LHFPL3: variants seen among roughly 807,000 people sequenced by gnomAD.
LHFPL3 encodes LHFPL tetraspan subfamily member 3 protein.
LHFPL3 carries 5 observed loss-of-function variants against 19.3 expected under a neutral mutation model. That is an observed-to-expected ratio of 0.26 (90% CI 0.14 to 0.54). LHFPL3 has a LOEUF of 0.54. Among genes scored for constraint, LHFPL3 ranks in the 20% least tolerant of loss-of-function variants. The pLI, the probability that LHFPL3 is intolerant of heterozygous loss-of-function variation, is 0.94. For missense variants in LHFPL3, 249 were observed against 307.4 expected (o/e 0.81, Z 1.42); for synonymous variants, 133 against 126.2 (o/e 1.05, Z -0.36).
intron 1 of LHFPL3, among the ~76,000 whole-genome samples, chr7:104,633,661 T>C (rs1177002991): frequency 6.6e-6 from 1 of 152,240 alleles, no homozygotes; most frequent in Non-Finnish European, 1.5e-5. Flanking sequence ...GATCATTTTG[T>C]ATGGTACATA....
At chr7:104,521,431 T>TG (rs1794061112) in intron 1 of LHFPL3, among the ~76,000 whole-genome samples, 1 of 152,170 alleles carries the variant, frequency 6.6e-6, no homozygotes, top group Non-Finnish European at 1.5e-5. Flanking sequence ...TCTGTTGATT[T>TG]GGGGTGGAGA....
chr7:104,418,569 G>T (rs17137509), intron 1 of LHFPL3, among the ~76,000 whole-genome samples: 1 of 152,042 alleles, frequency 6.6e-6, no homozygotes, highest in African/African-American at 2.4e-5. Context: ...GGGTCAAGTC[G>T]CTTTGAATTA....
chr7:104,389,106 C>G (rs528085236), intron 1 of LHFPL3, among the ~76,000 whole-genome samples: 1 of 152,062 alleles, frequency 6.6e-6, no homozygotes, highest in Non-Finnish European at 1.5e-5. Context: ...ACATGTCCTT[C>G]CATATAGAAA....
intron 1 of LHFPL3, among the ~76,000 whole-genome samples, chr7:104,632,177 T>C (rs4730032): frequency 0.71 from 107,725 of 152,018 alleles, 38,296 homozygotes; most frequent in East Asian, 0.83. Flanking sequence ...TCATTTGTGT[T>C]GGGTGAGGTC....
At chr7:104,757,736 A>T (rs992422707) in intron 2 of LHFPL3, 1 of 152,362 alleles carries the variant, frequency 6.6e-6, no homozygotes, top group Non-Finnish European at 1.5e-5. Flanking sequence ...AAAAAGGAAC[A>T]CTTATACACT....
chr7:104,601,787 C>G (rs1394615142), intron 1 of LHFPL3, among the ~76,000 whole-genome samples: 1 of 152,114 alleles, frequency 6.6e-6, no homozygotes, highest in Non-Finnish European at 1.5e-5. Context: ...TACTTTCTCA[C>G]TGCCAAAACC....
At chr7:104,740,022 G>A (rs904530538) in intron 2 of LHFPL3, among the ~76,000 whole-genome samples, 1 of 152,238 alleles carries the variant, frequency 6.6e-6, no homozygotes, top group Admixed American at 6.5e-5. Flanking sequence ...CATGGAGGTG[G>A]CTCCCCCATG....
At chr7:104,629,271 A>G (rs988875222) in intron 1 of LHFPL3, among the ~76,000 whole-genome samples, 1 of 152,116 alleles carries the variant, frequency 6.6e-6, no homozygotes, top group Non-Finnish European at 1.5e-5. Flanking sequence ...CATATTCTTT[A>G]GCATGGGGAT....
At chr7:104,555,221 TAAGGTGATTAACCATCACAA>T (rs1238297356) in intron 1 of LHFPL3, among the ~76,000 whole-genome samples, 3 of 152,160 alleles carry the variant, frequency 2.0e-5, no homozygotes, top group Non-Finnish European at 2.9e-5. Context: ...GATTAGGTCA[TAAGGTGATTAACCATCACAA>T]AAGGTGATTA....
At chr7:104,353,020 C>T (rs1351616048) in intron 1 of LHFPL3, among the ~76,000 whole-genome samples, 1 of 152,166 alleles carries the variant, frequency 6.6e-6, no homozygotes, top group East Asian at 1.9e-4. Context: ...AGGCGATTAT[C>T]CCTCTGCAGT....
chr7:104,556,589 C>G (rs1789839625), intron 1 of LHFPL3, among the ~76,000 whole-genome samples: 1 of 152,210 alleles, frequency 6.6e-6, no homozygotes, highest in South Asian at 2.1e-4. Context: ...CCTCCTAAAC[C>G]TCCACTTCTG....
chr7:104,476,266 C>T (rs1793014401), intron 1 of LHFPL3, among the ~76,000 whole-genome samples: 1 of 152,148 alleles, frequency 6.6e-6, no homozygotes. Flanking sequence ...AATAATGTGA[C>T]AGAGCTTTCT....
intron 1 of LHFPL3, among the ~76,000 whole-genome samples, chr7:104,715,729 C>A (rs1393703053): frequency 1.3e-5 from 2 of 152,100 alleles, no homozygotes; most frequent in Admixed American, 6.5e-5. Context: ...TCTTTGTATC[C>A]AAGGGATAAA....
chr7:104,468,350 G>A (rs376368406), intron 1 of LHFPL3, among the ~76,000 whole-genome samples: 15 of 152,196 alleles, frequency 9.9e-5, no homozygotes, highest in Non-Finnish European at 1.6e-4. Context: ...CTAGAAATGC[G>A]ATTTTTAATT....
chr7:104,793,624 C>T (rs907505415), intron 2 of LHFPL3, among the ~76,000 whole-genome samples: 3 of 152,154 alleles, frequency 2.0e-5, no homozygotes, highest in African/African-American at 4.8e-5. Flanking sequence ...ACCAGCTGGA[C>T]CTGCACTGAC....
chr7:104,689,565 C>T (rs1309346459), intron 1 of LHFPL3, among the ~76,000 whole-genome samples: 5 of 152,264 alleles, frequency 3.3e-5, no homozygotes, highest in African/African-American at 1.2e-4. Context: ...CACTGGGTCC[C>T]CTTAAGGAGG....
chr7:104,439,652 T>TA (rs933313661), intron 1 of LHFPL3, among the ~76,000 whole-genome samples: 1 of 152,024 alleles, frequency 6.6e-6, no homozygotes, highest in Non-Finnish European at 1.5e-5. Context: ...TTCATAATTT[T>TA]AAAAAAATGT....
At chr7:104,381,568 C>T (rs1258753504) in intron 1 of LHFPL3, among the ~76,000 whole-genome samples, 1 of 128,038 alleles carries the variant, frequency 7.8e-6, no homozygotes, top group East Asian at 2.0e-4. Flanking sequence ...CCCTCACTCC[C>T]TCCCTCCCAC....
chr7:104,567,336 G>A lies in LHFPL3; in HGVS notation c.446-169339G>A, dbSNP rs182561327. 5.3e-5 allele frequency among the ~76,000 whole-genome samples: 8 copies of A among 152,304 alleles called. No individual in the cohort carries two copies. In the East Asian group the frequency reaches 1.5e-3, roughly 29 times the overall value. On this transcript the variant is annotated intron_variant, in intron 1 of 2. Transcript: ENST00000424859. ...CCCTAGATACATTGGTCATTCTCAG[G>A]AGATGCTACTGGCTTGACAGAGACT...
Sources: allele counts gnomAD v4.1 joint callset (sites outside exome capture counted in the v4.1 genomes callset), GRCh38; gene constraint gnomAD v4.1.1; transcripts MANE v1.5; gene names NCBI Gene and HGNC (gene_info 2026-07-23, HGNC 2026-07-21).